Variants in SLC8A1 observed in about 807,000 individuals in gnomAD.
The protein encoded by SLC8A1 is sodium/calcium exchanger 1.
A neutral mutation model predicts 68.3 loss-of-function variants in SLC8A1; 18 were observed. The ratio of observed to expected loss-of-function variants is 0.26; its 90% confidence interval spans 0.18 to 0.39. The LOEUF (loss-of-function observed/expected upper bound fraction) is 0.39. Ranked by LOEUF, SLC8A1 falls within the 10% of genes least tolerant of loss-of-function variation. SLC8A1 has a pLI of 1.00. For missense variants in SLC8A1, 985 were observed against 1,156.7 expected (o/e 0.85, Z 2.15); for synonymous variants, 475 against 415.5 (o/e 1.14, Z -1.74).
chr2:40,309,453 T>A (rs1559183216), intron 2 of SLC8A1, among the ~76,000 whole-genome samples: 1 of 152,056 alleles, frequency 6.6e-6, no homozygotes, highest in Non-Finnish European at 1.5e-5. Flanking sequence ...TATTCTCAAA[T>A]GTCTAAGCAG....
chr2:40,360,329 G>GT (rs57452391), intron 2 of SLC8A1, among the ~76,000 whole-genome samples: 1 of 152,012 alleles, frequency 6.6e-6, no homozygotes, highest in African/African-American at 2.4e-5. Context: ...GCTACCATTT[G>GT]TTTTTTTAAT....
At chr2:40,181,512 G>C (rs1328420800) in intron 2 of SLC8A1, among the ~76,000 whole-genome samples, 1 of 152,138 alleles carries the variant, frequency 6.6e-6, no homozygotes, top group Non-Finnish European at 1.5e-5. Flanking sequence ...TTGCATAATG[G>C]CATATCATTT....
chr2:40,320,068 A>T (rs531695358), intron 2 of SLC8A1, among the ~76,000 whole-genome samples: 251 of 152,188 alleles, frequency 1.6e-3, no homozygotes, highest in African/African-American at 5.8e-3. Context: ...GGACTCAATA[A>T]ATATTGGTAT....
rs181534253 is a variant in SLC8A1, at chr2:40,216,706, G to T, written c.1809-38851C>A. ...TAATAATTGCCACTCTGAATGGCAT[G>T]AGATGGAATCTCACTGTGGTTTTGA... On this transcript the variant is annotated intron_variant, in intron 2 of 7. Transcript: ENST00000406785. 2.5e-3 allele frequency among the ~76,000 whole-genome samples: 380 copies of T among 152,302 alleles called. 2 individuals carry two copies. Among genetic ancestry groups the T allele is most frequent in the Non-Finnish European group, 4.4e-3 (297 of 68,032 alleles).
At chr2:40,454,426 A>C (rs966761776), upstream of SLC8A1, among the ~76,000 whole-genome samples, 6 of 151,566 alleles carry the variant, frequency 4.0e-5, no homozygotes, top group African/African-American at 1.5e-4. Flanking sequence ...GAGTGACAAG[A>C]ACCCTGTTCT....
At chr2:40,132,085 C>T (rs182211821) in intron 7 of SLC8A1, among the ~76,000 whole-genome samples, 1 of 151,686 alleles carries the variant, frequency 6.6e-6, no homozygotes, top group East Asian at 1.9e-4. Context: ...TGTAATCTTA[C>T]TGTTGCATGC....
intron 2 of SLC8A1, among the ~76,000 whole-genome samples, chr2:40,253,274 T>C (rs932730774): frequency 2.7e-5 from 4 of 150,244 alleles, no homozygotes; most frequent in African/African-American, 7.4e-5. Context: ...TACATGTACA[T>C]ATGACGTATA....
intron 2 of SLC8A1, among the ~76,000 whole-genome samples, chr2:40,375,014 A>C (rs142064985): frequency 1.6e-4 from 25 of 152,176 alleles, no homozygotes; most frequent in Non-Finnish European, 2.6e-4. Flanking sequence ...TTCCATGGAG[A>C]GCTCTCTACC....
intron 2 of SLC8A1, among the ~76,000 whole-genome samples, chr2:40,399,310 C>T (rs923755667): frequency 1.3e-5 from 2 of 151,454 alleles, no homozygotes; most frequent in African/African-American, 4.8e-5. Context: ...TCCTCTACCC[C>T]TCGTCTCCCC....
chr2:40,292,548 T>G (rs2069517772), intron 2 of SLC8A1, among the ~76,000 whole-genome samples: 1 of 152,162 alleles, frequency 6.6e-6, no homozygotes, highest in Admixed American at 6.6e-5. Context: ...TGGGGACAAA[T>G]CTATCCCAGG....
chr2:40,382,705 A>G (rs2373857), intron 2 of SLC8A1, among the ~76,000 whole-genome samples: 108,188 of 151,944 alleles, frequency 0.71, 40,042 homozygotes, highest in African/African-American at 0.92. Flanking sequence ...TGAGCAAATA[A>G]GAAAACACAA....
chr2:40,190,528 T>G (rs1389117561), intron 2 of SLC8A1: 1 of 152,192 alleles, frequency 6.6e-6, no homozygotes, highest in Non-Finnish European at 1.5e-5. Context: ...TCTCCTCTCT[T>G]TTTAATTAAG....
chr2:40,208,192 C>A (rs1200826916), intron 2 of SLC8A1, among the ~76,000 whole-genome samples: 2 of 152,114 alleles, frequency 1.3e-5, no homozygotes, highest in African/African-American at 2.4e-5. Flanking sequence ...ATGCCTCAGT[C>A]CAGTGAGCAC....
At chr2:40,097,580 A>G (rs891941613) in exon 8 of SLC8A1, 4 of 152,000 alleles carry the variant, frequency 2.6e-5, no homozygotes, top group African/African-American at 9.7e-5. Flanking sequence ...AGGAAGAGTC[A>G]TTTATTGTAT....
At chr2:40,430,696 C>T (rs1242621382) in intron 1 of SLC8A1, among the ~76,000 whole-genome samples, 2 of 152,152 alleles carry the variant, frequency 1.3e-5, no homozygotes, top group Non-Finnish European at 2.9e-5. Context: ...TAAACAATTT[C>T]CTCCTTTTTA....
intron 2 of SLC8A1, among the ~76,000 whole-genome samples, chr2:40,386,533 G>GAA (rs1023262319): frequency 1.3e-5 from 1 of 79,100 alleles, no homozygotes; most frequent in Admixed American, 1.4e-4. Context: ...TCAAGTAAAT[G>GAA]AAAAAAGAGA....
At chr2:40,183,312 A>G (rs138494930) in intron 2 of SLC8A1, among the ~76,000 whole-genome samples, 22 of 152,366 alleles carry the variant, frequency 1.4e-4, no homozygotes, top group African/African-American at 5.0e-4. Context: ...TGGATCATTA[A>G]TAACGAGTTT....
At chr2:40,452,187 C>A (rs1360583454), upstream of SLC8A1, 12 of 147,294 alleles carry the variant, frequency 8.1e-5, no homozygotes, top group South Asian at 2.3e-3. Context: ...CTCCCTCCCG[C>A]GCACACTCGC....
chr2:40,120,537 G>A (rs1366904302), intron 7 of SLC8A1, among the ~76,000 whole-genome samples: 1 of 152,056 alleles, frequency 6.6e-6, no homozygotes, highest in Non-Finnish European at 1.5e-5. Flanking sequence ...TTACTGTTTG[G>A]GTGGTGCACA....
Sources: allele counts gnomAD v4.1 joint callset (sites outside exome capture counted in the v4.1 genomes callset), GRCh38; gene constraint gnomAD v4.1.1; transcripts MANE v1.5; gene names NCBI Gene and HGNC (gene_info 2026-07-23, HGNC 2026-07-21).